Variants in CUX1 observed in about 807,000 individuals in gnomAD.
CUX1 encodes the protein cut like homeobox 1, also known as protein CASP.
Under a neutral mutation model 158.8 loss-of-function variants are expected in CUX1, and 31 were observed. That is an observed-to-expected ratio of 0.20 (90% CI 0.15 to 0.26). CUX1 has a LOEUF of 0.26. Among genes scored for constraint, CUX1 ranks in the 10% least tolerant of loss-of-function variants. The pLI is 1.00. For missense variants in CUX1, 1,589 were observed against 2,014.6 expected, an observed-to-expected ratio of 0.79 and a Z score of 4.04; for synonymous variants, 879 against 862.1, an observed-to-expected ratio of 1.02 and a Z score of -0.34.
chr7:101,876,857 G>A (rs1163202681), intron 1 of CUX1, among the ~76,000 whole-genome samples: 1 of 151,830 alleles, frequency 6.6e-6, no homozygotes, highest in Non-Finnish European at 1.5e-5. Flanking sequence ...CAAGTGATCT[G>A]CCTGCCTCGG....
Position 102,198,884 on chromosome 7 carries a change from C to A in CUX1, c.1960+17C>A, listed in dbSNP as rs782458793. On this transcript the variant is annotated intron_variant, in intron 16 of 23. Coordinates refer to ENST00000292535, the MANE Select transcript of CUX1 (RefSeq NM_181552.4). ...GGTCTGAAGGTATGTTGCAGGCAGG[C>A]GTTTTCTTTGCAGTCAGTCACCTAG... 1 of 1,612,476 alleles carries A rather than the reference C, an allele frequency of 6.2e-7. No individual in the cohort carries two copies. Among genetic ancestry groups the A allele is most frequent in the Admixed American group, 1.7e-5 (1 of 59,996 alleles).
At position 102,063,383 on chromosome 7, in the gene CUX1, C is replaced by CTTTT. The variant is rs11368644; in HGVS notation, c.190-6936_190-6933dup. Among the ~76,000 whole-genome samples the CTTTT allele has an allele frequency of 2.7e-3, 240 of 89,268 alleles. 7 individuals carry two copies. The highest frequency in any genetic ancestry group is 4.2e-3 in the Admixed American group (25 of 6,018). The allele number at this position is 89,268 out of a possible 152,430, so 58.6% of individuals were successfully genotyped here. On this transcript the variant is annotated intron_variant, in intron 3 of 23. Transcript: ENST00000292535. ...CTTTACATATTAAGTATTTCCTTTTCTTTTTTTTTTTTTTTTTTTTTTTGA... is the reference window on the plus strand; with the variant it reads ...CTTTACATATTAAGTATTTCCTTTTCTTTTTTTTTTTTTTTTTTTTTTTTTTTGA...
chr7:101,834,939 T>C (rs1794459848), intron 1 of CUX1, among the ~76,000 whole-genome samples: 1 of 152,018 alleles, frequency 6.6e-6, no homozygotes, highest in Non-Finnish European at 1.5e-5. Flanking sequence ...GAGGTTGCGG[T>C]GAGCCAAGAT....
rs543601434 is a variant in CUX1, at chr7:102,234,886, G to A, written c.3622+646G>A. ...GGCGGTGAACAGAGATTGAGCCACC[G>A]CACTCCAGCCTGGGTGACAGACCAT... On this transcript the variant is annotated intron_variant, in intron 22 of 23. Coordinates refer to ENST00000292535, the MANE Select transcript of CUX1 (RefSeq NM_181552.4). Among the ~76,000 whole-genome samples, 4 of 151,782 alleles carry A rather than the reference G, an allele frequency of 2.6e-5. No homozygotes were observed. In the South Asian group the frequency reaches 8.3e-4, roughly 32 times the overall value.
chr7:101,989,534 G>GTGC (rs1814822859), intron 2 of CUX1, among the ~76,000 whole-genome samples: 1 of 152,208 alleles, frequency 6.6e-6, no homozygotes, highest in African/African-American at 2.4e-5. Context: ...TTGCTTCACT[G>GTGC]TGCTCTGGTG....
At chr7:102,069,683 G>A (rs376967257) in intron 3 of CUX1, among the ~76,000 whole-genome samples, 5 of 152,208 alleles carry the variant, frequency 3.3e-5, no homozygotes, top group African/African-American at 1.2e-4. Context: ...GGGAGGCAGA[G>A]GTTGCAGTGA....
chr7:102,249,062 G>A lies in CUX1; in HGVS notation c.*20G>A, dbSNP rs782526764. The A allele has an allele frequency of 3.2e-6, 4 of 1,268,404 alleles. No individual in the cohort carries two copies. In the South Asian group the frequency reaches 7.2e-5, roughly 23 times the overall value. The allele number at this position is 1,268,404 out of a possible 1,614,324, so 78.6% of individuals were successfully genotyped here. A position where few individuals can be genotyped will look rare whatever the true frequency, so the allele number is the denominator to read the frequency against. On this transcript the variant is annotated 3_prime_UTR_variant, in exon 24 of 24. Transcript: ENST00000292535. ...TTCTGAGGGGCCGCGGCCCTGGGGC[G>A]GGCAGCCAGGCTGGGCCGCAAGGGC...
intron 8 of CUX1, among the ~76,000 whole-genome samples, chr7:102,156,339 G>T (rs1219308302): frequency 6.6e-6 from 1 of 152,116 alleles, no homozygotes; most frequent in Non-Finnish European, 1.5e-5. Context: ...GGCTCCTGGC[G>T]AGGGCTTCCA....
chr7:102,282,905 C>A, intron 22 of CUX1: 1 of 754,064 alleles, frequency 1.3e-6, no homozygotes, highest in Non-Finnish European at 2.2e-6. Context: ...TTCTGGCCCT[C>A]CCCCTACCCC....
At chr7:102,263,011 C>CTT (rs58568731), downstream of CUX1, among the ~76,000 whole-genome samples, 259 of 127,172 alleles carry the variant, frequency 2.0e-3, 2 homozygotes, top group Admixed American at 5.9e-3. Flanking sequence ...AAGGGTTAAA[C>CTT]TTTTTTTTTT....
intron 5 of CUX1, among the ~76,000 whole-genome samples, chr7:102,102,619 G>C: frequency 6.6e-6 from 1 of 152,100 alleles, no homozygotes; most frequent in East Asian, 1.9e-4. Flanking sequence ...AGCCCTGTCT[G>C]GGCTTCCCCC....
At chr7:102,103,748 CTT>C (rs35709807) in intron 5 of CUX1, among the ~76,000 whole-genome samples, 69 of 145,338 alleles carry the variant, frequency 4.7e-4, no homozygotes, top group African/African-American at 1.1e-3. Context: ...AGACTTTCAT[CTT>C]TTTTTTTTTT....
intron 2 of CUX1, among the ~76,000 whole-genome samples, chr7:101,941,398 G>T (rs1325131753): frequency 6.6e-6 from 1 of 152,220 alleles, no homozygotes; most frequent in Non-Finnish European, 1.5e-5. Context: ...AGCGGTAGCT[G>T]GATTGTCTCT....
chr7:102,117,042 C>T (rs147596292), intron 8 of CUX1, among the ~76,000 whole-genome samples: 13 of 152,252 alleles, frequency 8.5e-5, no homozygotes, highest in African/African-American at 2.4e-4. Context: ...AGGGCGCTGA[C>T]GGTCAGCAGG....
intron 14 of CUX1, among the ~76,000 whole-genome samples, chr7:102,269,567 G>A (rs943954688): frequency 2.6e-4 from 36 of 137,388 alleles, no homozygotes; most frequent in African/African-American, 6.8e-4. Context: ...CACCATGCCC[G>A]GCTAATTTTT....
intron 20 of CUX1, among the ~76,000 whole-genome samples, chr7:102,210,330 C>T (rs1554522784): frequency 1.3e-5 from 2 of 152,146 alleles, no homozygotes; most frequent in East Asian, 3.9e-4. Flanking sequence ...CTCCTGACCT[C>T]GGGTGATCCT....
rs374612694 is a variant in CUX1, at chr7:102,170,560, C to A, written c.828+10C>A. 3.2e-6 allele frequency: 5 copies of A among 1,562,576 alleles called. No homozygotes were observed. Among genetic ancestry groups the A allele is most frequent in the Non-Finnish European group, 4.3e-6 (5 of 1,151,840 alleles). ...GAAGGCACCAGACGTGGTGGGTAGC[C>A]CCGGCCCCGTGGGGGACTGTCCCCG... On this transcript the variant is annotated intron_variant, in intron 10 of 23. Coordinates refer to ENST00000292535, the MANE Select transcript of CUX1 (RefSeq NM_181552.4).
At chr7:101,827,443 TAC>T (rs2130984872) in intron 1 of CUX1, among the ~76,000 whole-genome samples, 1 of 152,282 alleles carries the variant, frequency 6.6e-6, no homozygotes, top group South Asian at 2.1e-4. Context: ...TAGCTGGAAC[TAC>T]AGACACTCAC....
chr7:102,050,733 C>T (rs1274399568), intron 3 of CUX1, among the ~76,000 whole-genome samples: 7 of 151,258 alleles, frequency 4.6e-5, no homozygotes, highest in African/African-American at 1.2e-4. Flanking sequence ...GTTGGGCTCT[C>T]GCTCTGCTGC....
Sources: allele counts gnomAD v4.1 joint callset (sites outside exome capture counted in the v4.1 genomes callset), GRCh38; gene constraint gnomAD v4.1.1; transcripts MANE v1.5; gene names NCBI Gene and HGNC (gene_info 2026-07-23, HGNC 2026-07-21).